BMPR2: variants seen among roughly 807,000 people sequenced by gnomAD.
BMPR2 encodes bone morphogenetic protein receptor type-2.
BMPR2 carries 29 observed loss-of-function variants against 100.8 expected under a neutral mutation model. The observed-to-expected ratio is 0.29, with a 90% confidence interval of 0.21 to 0.39. BMPR2 has a LOEUF of 0.39. Ranked by LOEUF, BMPR2 falls within the 10% of genes least tolerant of loss-of-function variation. BMPR2 has a pLI of 1.00. For missense variants in BMPR2, 1,011 were observed against 1,274.5 expected (o/e 0.79, Z 3.15); for synonymous variants, 382 against 442.3 (o/e 0.86, Z 1.71).
chr2:202,466,994 C>A, intron 2 of BMPR2: 1 of 173,536 alleles, frequency 5.8e-6, no homozygotes, highest in Non-Finnish European at 1.2e-5. Flanking sequence ...GGTGCAGTGG[C>A]TCACACCTGT....
chr2:202,504,341 C>T (rs1401581612), intron 3 of BMPR2, among the ~76,000 whole-genome samples: 1 of 152,100 alleles, frequency 6.6e-6, no homozygotes, highest in Non-Finnish European at 1.5e-5. Context: ...TGCAGCTTCA[C>T]TCCTGAAGCC....
In BMPR2 at chr2:202,552,742, C is replaced by T. The variant is rs780256953; in HGVS notation, c.1440C>T (p.Ile480=). 5 of 1,613,992 alleles carry T rather than the reference C, an allele frequency of 3.1e-6. No homozygotes were observed. The highest frequency in any genetic ancestry group is 1.7e-4 in the Middle Eastern group (1 of 6,060). The change falls in exon 11 of 13, where the codon ATC becomes ATT. Residue 480 remains isoleucine (I), a synonymous_variant. Coordinates refer to ENST00000374580, the MANE Select transcript of BMPR2 (RefSeq NM_001204.7). ...SLAVRSLKET[I]EDCWDQDAEA... ...CAGTGAGGTCACTCAAGGAGACAAT[C>T]GAAGACTGTTGGGACCAGGATGCAG...
chr2:202,376,606 A>G lies in BMPR2; in HGVS notation c.-869A>G, dbSNP rs1473427322. On this transcript the variant is annotated 5_prime_UTR_variant, in exon 1 of 13. Coordinates refer to ENST00000374580, the MANE Select transcript of BMPR2 (RefSeq NM_001204.7). ...GCTCACAGGAGCCATTGACGGGAGA[A>G]GAGGAGGCTTTCTTGGTGGAATTTA... Among the ~76,000 whole-genome samples the G allele has an allele frequency of 7.1e-6, 1 of 140,936 alleles. No homozygotes were observed. The highest frequency in any genetic ancestry group is 1.5e-5 in the Non-Finnish European group (1 of 64,966). The allele number at this position is 140,936 out of a possible 152,430, so 92.5% of individuals were successfully genotyped here.
In BMPR2 at chr2:202,501,383, G is replaced by C. The variant is rs556756409; in HGVS notation, c.419-12336G>C. On this transcript the variant is annotated intron_variant, in intron 3 of 12. Transcript: ENST00000374580. The stretch of plus-strand genomic sequence containing the variant: ...CCAGAAGGCAAATACTCATCTAGTC[G>C]AATGGGAACCAGAAGCAGAAACAGC... Among the ~76,000 whole-genome samples the C allele has an allele frequency of 2.4e-4, 37 of 152,304 alleles. 1 individual carries two copies. The South Asian group carries it at 7.5e-3, about 31-fold the overall frequency.
intron 1 of BMPR2, among the ~76,000 whole-genome samples, chr2:202,429,835 C>T (rs1691469461): frequency 6.6e-6 from 1 of 152,118 alleles, no homozygotes; most frequent in Non-Finnish European, 1.5e-5. Context: ...CTCTTGTGAA[C>T]CCACTCACTG....
chr2:202,380,981 T>C (rs1690277491), intron 1 of BMPR2, among the ~76,000 whole-genome samples: 2 of 135,822 alleles, frequency 1.5e-5, no homozygotes, highest in South Asian at 4.9e-4. Context: ...TTTTTTTTTT[T>C]TTTTTTTTTT....
In BMPR2 at chr2:202,461,253, C is replaced by T. The variant is rs146344815; in HGVS notation, c.77-3556C>T. On this transcript the variant is annotated intron_variant, in intron 1 of 12. Coordinates refer to ENST00000374580, the MANE Select transcript of BMPR2 (RefSeq NM_001204.7). ...CTGTAATCCCAGCACTTTGGGAGGC[C>T]AAGGTGGGTGGATCACCTGAGGTCA... 6.3e-3 allele frequency among the ~76,000 whole-genome samples: 952 copies of T among 152,162 alleles called. 12 individuals are homozygous for T. Among genetic ancestry groups the T allele is most frequent in the African/African-American group, 0.021 (888 of 41,528 alleles).
At chr2:202,461,188 T>C (rs1387770212) in intron 1 of BMPR2, among the ~76,000 whole-genome samples, 1 of 151,740 alleles carries the variant, frequency 6.6e-6, no homozygotes, top group Non-Finnish European at 1.5e-5. Flanking sequence ...CAAAAACACA[T>C]ATAATAAAAA....
At chr2:202,538,822 G>T (rs529348602) in intron 9 of BMPR2, among the ~76,000 whole-genome samples, 1 of 150,910 alleles carries the variant, frequency 6.6e-6, no homozygotes. Context: ...AAAAGTGAGG[G>T]TCAGAGTGGC....
chr2:202,442,849 G>A (rs1222379260), intron 1 of BMPR2, among the ~76,000 whole-genome samples: 1 of 150,604 alleles, frequency 6.6e-6, no homozygotes, highest in Non-Finnish European at 1.5e-5. Flanking sequence ...ATCTGTTGAT[G>A]TACATTTAAG....
At chr2:202,446,453 A>G (rs1691850719) in intron 1 of BMPR2, among the ~76,000 whole-genome samples, 1 of 150,420 alleles carries the variant, frequency 6.6e-6, no homozygotes, top group Non-Finnish European at 1.5e-5. Context: ...TTCATTAGAT[A>G]TGCATAATAA....
intron 10 of BMPR2, among the ~76,000 whole-genome samples, chr2:202,546,538 A>G (rs1324911060): frequency 6.6e-6 from 1 of 152,186 alleles, no homozygotes; most frequent in Non-Finnish European, 1.5e-5. Flanking sequence ...TTCTTCCTAT[A>G]TGTTTCAGAA....
At chr2:202,507,338 T>C (rs1311534080) in intron 3 of BMPR2, among the ~76,000 whole-genome samples, 2 of 152,216 alleles carry the variant, frequency 1.3e-5, no homozygotes, top group Non-Finnish European at 2.9e-5. Flanking sequence ...GTTACTAAGA[T>C]GGGAATAAAA....
chr2:202,456,420 C>T (rs1356295420), intron 1 of BMPR2, among the ~76,000 whole-genome samples: 1 of 150,172 alleles, frequency 6.7e-6, no homozygotes, highest in Non-Finnish European at 1.5e-5. Context: ...CCTCATGATC[C>T]GCCCATCTCG....
chr2:202,476,056 A>C lies in BMPR2; in HGVS notation c.418+8367A>C, dbSNP rs1299797086. Among the ~76,000 whole-genome samples the C allele has an allele frequency of 1.1e-4, 17 of 150,152 alleles. No homozygotes were observed. In the East Asian group the frequency reaches 3.1e-3, roughly 28 times the overall value. ...AGCATTGCACTCCAGCCTGGGCAAC[A>C]AGAGTGAAACTCTGTCTCAAGGTTA... On this transcript the variant is annotated intron_variant, in intron 3 of 12. Transcript: ENST00000374580.
chr2:202,392,089 G>GA (rs1690562111), intron 1 of BMPR2, among the ~76,000 whole-genome samples: 1 of 111,818 alleles, frequency 8.9e-6, no homozygotes, highest in South Asian at 2.7e-4. Flanking sequence ...TTTTTTTTTT[G>GA]AAAGAAGTCT....
At chr2:202,381,235 A>T (rs1690287060) in intron 1 of BMPR2, among the ~76,000 whole-genome samples, 1 of 151,944 alleles carries the variant, frequency 6.6e-6, no homozygotes, top group Admixed American at 6.6e-5. Flanking sequence ...TGCCTCCGAA[A>T]GTGCTGGGAT....
At chr2:202,461,832 A>C (rs552888885) in intron 1 of BMPR2, among the ~76,000 whole-genome samples, 3 of 152,292 alleles carry the variant, frequency 2.0e-5, no homozygotes, top group Non-Finnish European at 4.4e-5. Context: ...ATATCTGCAT[A>C]ATTTATATTT....
intron 3 of BMPR2, among the ~76,000 whole-genome samples, chr2:202,483,037 T>A (rs1252027774): frequency 1.3e-5 from 2 of 152,140 alleles, no homozygotes; most frequent in African/African-American, 4.8e-5. Flanking sequence ...CCGTCACTTG[T>A]TATTTTTTTT....
Sources: gnomAD v4.1 joint callset for allele counts (sites outside exome capture counted in the v4.1 genomes callset) on GRCh38, gnomAD v4.1.1 for gene constraint, MANE v1.5 for transcripts, NCBI Gene and HGNC (gene_info 2026-07-23, HGNC 2026-07-21) for gene names.